The following THSD4 variants were observed in gnomAD, a reference collection of about 807,000 sequenced individuals.
THSD4 encodes thrombospondin type 1 domain containing 4, also known as thrombospondin type-1 domain-containing protein 4.
In THSD4, 69 loss-of-function variants were observed where a neutral mutation model predicts 119.0. The ratio of observed to expected loss-of-function variants is 0.58; its 90% confidence interval spans 0.48 to 0.71. The LOEUF (loss-of-function observed/expected upper bound fraction) is 0.71, where lower values mean the gene tolerates loss of function less well. Ranked by LOEUF, THSD4 falls within the 30% of genes least tolerant of loss-of-function variation. THSD4 has a pLI of 0.00. For synonymous variants in THSD4, 524 were observed against 540.4 expected, an observed-to-expected ratio of 0.97 and a Z score of 0.42; for missense variants, 1,393 against 1,391.1, an observed-to-expected ratio of 1.00 and a Z score of -0.02.
intron 7 of THSD4, among the ~76,000 whole-genome samples, chr15:71,498,634 T>G (rs1277943210): frequency 6.6e-6 from 1 of 152,122 alleles, no homozygotes; most frequent in African/African-American, 2.4e-5. Flanking sequence ...CTTGCTGCCC[T>G]CTCTGCCTCT....
chr15:71,272,786 C>A (rs1277092967), intron 6 of THSD4, among the ~76,000 whole-genome samples: 6 of 152,008 alleles, frequency 3.9e-5, no homozygotes, highest in African/African-American at 1.2e-4. Flanking sequence ...ATCACTTGAA[C>A]CCGGGAGGCG....
chr15:71,138,655 C>A (rs145537487), intron 1 of THSD4, among the ~76,000 whole-genome samples: 1 of 152,236 alleles, frequency 6.6e-6, no homozygotes, highest in East Asian at 1.9e-4. Flanking sequence ...CTTCCCTCCC[C>A]CCTCCACAAG....
intron 6 of THSD4, among the ~76,000 whole-genome samples, chr15:71,389,807 G>GTTGTTTT (rs1555408963): frequency 8.6e-5 from 4 of 46,256 alleles, no homozygotes; most frequent in South Asian, 1.6e-3. Context: ...TATTTTCTGG[G>GTTGTTTT]TTGTTTTTTT....
chr15:71,583,739 T>C (rs1444718433), intron 7 of THSD4, among the ~76,000 whole-genome samples: 2 of 152,222 alleles, frequency 1.3e-5, no homozygotes, highest in African/African-American at 4.8e-5. Context: ...TTCTGCAATT[T>C]CTAGTTTCAT....
At chr15:71,118,321 T>C (rs1355000433) in intron 1 of THSD4, among the ~76,000 whole-genome samples, 3 of 152,118 alleles carry the variant, frequency 2.0e-5, no homozygotes, top group African/African-American at 4.8e-5. Flanking sequence ...CATGGTCTTA[T>C]CTGCCCTCCC....
rs181773747 is a variant in THSD4 at position 71,469,494 on chromosome 15, C to G, written c.1152+57671C>G. Reference sequence around the variant, plus strand: ...CTCCCCTGCCTCACAGTCCCACGGACACTTGCTGGGGGCTGGCTTCAAGGC... The same window carrying G: ...CTCCCCTGCCTCACAGTCCCACGGAGACTTGCTGGGGGCTGGCTTCAAGGC... On this transcript the variant is annotated intron_variant, in intron 7 of 17. Coordinates refer to ENST00000261862, the MANE Select transcript of THSD4 (RefSeq NM_024817.3). Among the ~76,000 whole-genome samples, 168 of 152,320 alleles carry G rather than the reference C, an allele frequency of 1.1e-3. 3 individuals carry two copies. Among genetic ancestry groups the G allele is most frequent in the African/African-American group, 3.8e-3 (156 of 41,564 alleles).
intron 7 of THSD4, among the ~76,000 whole-genome samples, chr15:71,442,660 G>GTGTGTGTGTATATATATA: frequency 3.9e-5 from 1 of 25,818 alleles, no homozygotes; most frequent in African/African-American, 1.1e-4. Flanking sequence ...GTGTGTGTGT[G>GTGTGTGTGTATATATATA]TATATATATA....
chr15:71,563,719 C>T (rs760443897), intron 7 of THSD4, among the ~76,000 whole-genome samples: 8 of 152,202 alleles, frequency 5.3e-5, no homozygotes, highest in Admixed American at 1.3e-4. Context: ...ATGTTAATGA[C>T]CTTAGTAGAT....
At chr15:71,749,694 A>ATTTTT (rs59633363) in intron 14 of THSD4, among the ~76,000 whole-genome samples, 1 of 39,012 alleles carries the variant, frequency 2.6e-5, no homozygotes, top group African/African-American at 7.2e-5. Flanking sequence ...TATATTTTTA[A>ATTTTT]ATTTTTATTT....
intron 17 of THSD4, among the ~76,000 whole-genome samples, chr15:71,776,064 C>A (rs1567147718): frequency 6.6e-6 from 1 of 152,218 alleles, no homozygotes; most frequent in Non-Finnish European, 1.5e-5. Flanking sequence ...ATACACTCCA[C>A]AAACCCTAAT....
rs117931236 is a variant in THSD4, at chr15:71,452,603, A to G, written c.1152+40780A>G. ...TTTGGAGATGGGGCCTTTAGGAGGT[A>G]AATTTATTATTTATTATTTATATTT... is the stretch of plus-strand genomic sequence containing the variant. On this transcript the variant is annotated intron_variant, in intron 7 of 17. Coordinates refer to ENST00000261862, the MANE Select transcript of THSD4 (RefSeq NM_024817.3). Among the ~76,000 whole-genome samples the G allele has an allele frequency of 5.7e-3, 865 of 151,612 alleles. 4 individuals are homozygous for G. Among genetic ancestry groups the G allele is most frequent in the Non-Finnish European group, 9.6e-3 (655 of 67,932 alleles).
chr15:71,385,273 C>G (rs547529835), intron 6 of THSD4, among the ~76,000 whole-genome samples: 1 of 152,160 alleles, frequency 6.6e-6, no homozygotes. Context: ...CAGTTACAAA[C>G]GAGAGCAGTG....
At chr15:71,663,863 C>T (rs28625036) in intron 8 of THSD4, among the ~76,000 whole-genome samples, 1,982 of 152,246 alleles carry the variant, frequency 0.013, 43 homozygotes, top group African/African-American at 0.045. Flanking sequence ...ACTGTATTTT[C>T]TGTAAAATTT....
chr15:71,325,676 G>A (rs566303879), intron 6 of THSD4, among the ~76,000 whole-genome samples: 85 of 152,342 alleles, frequency 5.6e-4, no homozygotes, highest in African/African-American at 2.0e-3. Flanking sequence ...AGTACTGACT[G>A]CTTAGGAATT....
chr15:71,533,589 A>G (rs2048647218), intron 7 of THSD4, among the ~76,000 whole-genome samples: 1 of 152,230 alleles, frequency 6.6e-6, no homozygotes, highest in Non-Finnish European at 1.5e-5. Flanking sequence ...TCTTTTTTAG[A>G]CAAATTTTGG....
intron 6 of THSD4, chr15:71,341,065 G>T: frequency 1.1e-6 from 1 of 915,072 alleles, no homozygotes; most frequent in Non-Finnish European, 1.7e-6. Context: ...TTTTTCTTTT[G>T]TTGCCTTGCC....
intron 7 of THSD4, among the ~76,000 whole-genome samples, chr15:71,483,575 TTTA>T (rs2047767741): frequency 1.3e-5 from 2 of 152,032 alleles, no homozygotes; most frequent in Non-Finnish European, 2.9e-5. Flanking sequence ...TAATTTATTA[TTTA>T]TTATTTTATT....
intron 7 of THSD4, among the ~76,000 whole-genome samples, chr15:71,556,508 G>T (rs2049019419): frequency 6.6e-6 from 1 of 152,006 alleles, no homozygotes; most frequent in African/African-American, 2.4e-5. Context: ...GTAGCACTTT[G>T]GGATGCTGAG....
intron 7 of THSD4, among the ~76,000 whole-genome samples, chr15:71,612,746 A>C (rs2050252450): frequency 6.6e-6 from 1 of 152,184 alleles, no homozygotes; most frequent in South Asian, 2.1e-4. Context: ...TTATTTCCCA[A>C]CAGAGAGTCA....
Sources: allele counts gnomAD v4.1 joint callset (sites outside exome capture counted in the v4.1 genomes callset), GRCh38; gene constraint gnomAD v4.1.1; transcripts MANE v1.5; gene names NCBI Gene and HGNC (gene_info 2026-07-23, HGNC 2026-07-21).